The following ANKRD6 variants were observed in gnomAD, a reference collection of about 807,000 sequenced individuals.
The protein encoded by ANKRD6 is ankyrin repeat domain-containing protein 6.
A neutral mutation model predicts 82.3 loss-of-function variants in ANKRD6; 56 were observed. The ratio of observed to expected loss-of-function variants is 0.68; its 90% CI spans 0.55 to 0.85. The LOEUF is 0.85. Among genes scored for constraint, ANKRD6 ranks in the 40% least tolerant of loss-of-function variants. The pLI is 0.00. For synonymous variants in ANKRD6, 347 were observed against 352.1 expected (o/e 0.99, Z 0.16); for missense variants, 852 against 907.6 (o/e 0.94, Z 0.79).
chr6:89,603,078 T>A lies in ANKRD6; in HGVS notation c.269T>A (p.Ile90Asn). The change falls in exon 4 of 16, where the codon ATC becomes AAC. Residue 90 changes from isoleucine to asparagine, a missense_variant. Ile to Asn is a moderately radical substitution (Grantham distance 149, BLOSUM62 -3). Coordinates refer to ENST00000339746, the MANE Select transcript of ANKRD6 (RefSeq NM_001242809.2). ...GCCACAGTGGTGGGGAACACGGAGA[T>A]CATCGCGGCGCTCATCCACGAAGGG... ...HRATVVGNTE[I>N]IAALIHEGCA... 1 of 1,609,070 alleles carries A rather than the reference T, an allele frequency of 6.2e-7. No individual in the cohort carries two copies. The highest frequency in any genetic ancestry group is 8.5e-7 in the Non-Finnish European group (1 of 1,178,070).
intron 1 of ANKRD6, among the ~76,000 whole-genome samples, chr6:89,535,059 A>C (rs1783649232): frequency 6.6e-6 from 1 of 152,238 alleles, no homozygotes; most frequent in African/African-American, 2.4e-5. Context: ...TAAGTAGAGC[A>C]CATAGCTTCT....
At chr6:89,447,090 C>T (rs1269297258) in intron 1 of ANKRD6, among the ~76,000 whole-genome samples, 1 of 152,056 alleles carries the variant, frequency 6.6e-6, no homozygotes, top group Admixed American at 6.6e-5. Flanking sequence ...CCTGTCTCTA[C>T]AAAAAATTAA....
intron 3 of ANKRD6, among the ~76,000 whole-genome samples, chr6:89,600,727 C>A (rs117129116): frequency 6.6e-6 from 1 of 152,076 alleles, no homozygotes; most frequent in Non-Finnish European, 1.5e-5. Context: ...GGAAATCTTA[C>A]GGAAATTTTA....
intron 7 of ANKRD6, 75 bp from the exon 8 acceptor site, chr6:89,616,484 A>C: frequency 7.2e-7 from 1 of 1,397,384 alleles, no homozygotes; most frequent in East Asian, 2.3e-5. Flanking sequence ...AGCCACACCT[A>C]GGCCAGGTAA....
chr6:89,609,885 A>G (rs920413868), intron 5 of ANKRD6, among the ~76,000 whole-genome samples: 2 of 152,194 alleles, frequency 1.3e-5, no homozygotes, highest in Non-Finnish European at 2.9e-5. Context: ...GATGGATTAC[A>G]GGCGTGAACC....
intron 2 of ANKRD6, among the ~76,000 whole-genome samples, chr6:89,584,764 C>A (rs1326152135): frequency 6.6e-6 from 1 of 152,310 alleles, no homozygotes; most frequent in East Asian, 1.9e-4. Flanking sequence ...TAACAAAATA[C>A]CACGTATTCG....
chr6:89,569,997 G>T (rs1234199762), intron 2 of ANKRD6, among the ~76,000 whole-genome samples: 3 of 151,254 alleles, frequency 2.0e-5, no homozygotes, highest in African/African-American at 7.3e-5. Flanking sequence ...CAACAGTTTA[G>T]TTTTTTTAGT....
chr6:89,462,007 G>A (rs773087393), intron 1 of ANKRD6, among the ~76,000 whole-genome samples: 3 of 152,036 alleles, frequency 2.0e-5, no homozygotes, highest in Admixed American at 6.6e-5. Context: ...CAAGGTGGGC[G>A]GATCACCTGA....
chr6:89,592,306 A>T (rs1795064361), intron 2 of ANKRD6, among the ~76,000 whole-genome samples: 1 of 152,174 alleles, frequency 6.6e-6, no homozygotes, highest in Admixed American at 6.5e-5. Flanking sequence ...GGGGCTAAGG[A>T]CAGCTGGAGG....
intron 1 of ANKRD6, among the ~76,000 whole-genome samples, chr6:89,558,788 A>G (rs1222407064): frequency 7.4e-6 from 1 of 135,232 alleles, no homozygotes; most frequent in Non-Finnish European, 1.6e-5. Context: ...CTAATACAAG[A>G]TGTTATTAAA....
chr6:89,571,236 G>C (rs1789824552), intron 2 of ANKRD6, among the ~76,000 whole-genome samples: 1 of 151,880 alleles, frequency 6.6e-6, no homozygotes, highest in Non-Finnish European at 1.5e-5. Flanking sequence ...TTTATTTTTA[G>C]TAGAGATAAG....
At position 89,630,468 on chromosome 6, in the gene ANKRD6, G is replaced by A. The variant is rs9362667; in HGVS notation, c.1648G>A (p.Ala550Thr). 7,550 of 1,613,662 alleles carry A rather than the reference G, an allele frequency of 4.7e-3. 245 individuals are homozygous for A. In the East Asian group the frequency reaches 0.097, roughly 21 times the overall value. Residue 550 changes from alanine (A) to threonine (T), a missense_variant, in exon 16 of 16, where the codon GCA (alanine) becomes ACA (threonine). Physicochemically the swap from Ala to Thr is moderately conservative, Grantham distance 58. Transcript: ENST00000339746. ...DQLVVTAGPA[A>T]ASDSSPPVVR... ...ATTAGTGGTGACTGCAGGTCCAGCAGCAGCTTCCGACAGCTCCCCTCCAGT... is the reference window on the plus strand; with the variant it reads ...ATTAGTGGTGACTGCAGGTCCAGCAACAGCTTCCGACAGCTCCCCTCCAGT...
chr6:89,605,964 G>T (rs1458120607), intron 4 of ANKRD6, 43 bp from the exon 5 acceptor site: 1 of 1,405,674 alleles, frequency 7.1e-7, no homozygotes, highest in African/African-American at 1.4e-5. Flanking sequence ...AGAAGAATTA[G>T]GTCTTGGGTA....
At chr6:89,578,106 A>G (rs1265232750) in intron 2 of ANKRD6, among the ~76,000 whole-genome samples, 1 of 152,176 alleles carries the variant, frequency 6.6e-6, no homozygotes, top group Non-Finnish European at 1.5e-5. Context: ...GAGGTGCCAC[A>G]GGGCAGGTAG....
chr6:89,623,252 C>T (rs1804309609), intron 10 of ANKRD6, among the ~76,000 whole-genome samples, 158 bp from the exon 11 acceptor site: 1 of 152,010 alleles, frequency 6.6e-6, no homozygotes, highest in Non-Finnish European at 1.5e-5. Flanking sequence ...TTAGTTAAGA[C>T]CACCAAGCAG....
chr6:89,472,980 T>A (rs1428748562), intron 1 of ANKRD6, among the ~76,000 whole-genome samples: 3 of 152,220 alleles, frequency 2.0e-5, no homozygotes, highest in African/African-American at 7.2e-5. Flanking sequence ...TTATTAGATT[T>A]TTTTTCCCTA....
chr6:89,521,382 G>C (rs981381500), intron 1 of ANKRD6, among the ~76,000 whole-genome samples: 2 of 152,124 alleles, frequency 1.3e-5, no homozygotes, highest in Admixed American at 1.3e-4. Context: ...AGAGATGGAG[G>C]AGCCAGCAAG....
intron 6 of ANKRD6, 88 bp from the exon 7 acceptor site, chr6:89,613,704 T>C (rs1800799206): frequency 1.7e-6 from 2 of 1,207,016 alleles, no homozygotes; most frequent in African/African-American, 3.0e-5. Flanking sequence ...GATAGTCTGC[T>C]AGCTTTTAAA....
intron 1 of ANKRD6, among the ~76,000 whole-genome samples, chr6:89,480,344 G>A (rs1312780006): frequency 6.6e-6 from 1 of 152,154 alleles, no homozygotes; most frequent in Non-Finnish European, 1.5e-5. Flanking sequence ...TGCAGTTATG[G>A]TGACACATGG....
Sources: allele counts gnomAD v4.1 joint callset (sites outside exome capture counted in the v4.1 genomes callset), GRCh38; gene constraint gnomAD v4.1.1; transcripts MANE v1.5; gene names NCBI Gene and HGNC (gene_info 2026-07-23, HGNC 2026-07-21).